The following ERMP1 variants were observed in gnomAD, a reference collection of about 807,000 sequenced individuals.
ERMP1 encodes the protein endoplasmic reticulum metallopeptidase 1.
A neutral mutation model predicts 92.0 loss-of-function variants in ERMP1; 86 were observed. The ratio of observed to expected loss-of-function variants is 0.93; its 90% CI spans 0.79 to 1.12. The LOEUF (loss-of-function observed/expected upper bound fraction) is 1.12, where lower values mean the gene tolerates loss of function less well. Ranked by LOEUF, ERMP1 falls within the 50% of genes most tolerant of loss-of-function variation. The pLI, the probability that ERMP1 is intolerant of heterozygous loss-of-function variation, is 0.00. For synonymous variants in ERMP1, 530 were observed against 412.8 expected (o/e 1.28, Z -3.44); for missense variants, 1,342 against 1,116.3 (o/e 1.20, Z -2.88).
intron 4 of ERMP1, among the ~76,000 whole-genome samples, chr9:5,813,692 T>G (rs10975298): frequency 6.6e-6 from 1 of 151,558 alleles, no homozygotes; most frequent in African/African-American, 2.4e-5. Flanking sequence ...ATTATAATAA[T>G]CATTTTGATA....
intron 12 of ERMP1, among the ~76,000 whole-genome samples, chr9:5,798,138 TC>T (rs1466281853): frequency 6.6e-6 from 1 of 152,210 alleles, no homozygotes; most frequent in Non-Finnish European, 1.5e-5. Flanking sequence ...ACCTAGGTGA[TC>T]TTGATTCCAC....
chr9:5,802,295 A>G (rs185416812), intron 10 of ERMP1, among the ~76,000 whole-genome samples: 1 of 152,284 alleles, frequency 6.6e-6, no homozygotes, highest in East Asian at 1.9e-4. Flanking sequence ...TATACTATAG[A>G]CATGAAATCT....
At position 5,855,863 on chromosome 9, in the gene ERMP1, A is replaced by C. The variant is rs147747389; in HGVS notation, n.3199+3605T>G. ...GCCAGATTTTATCAGTCTCCATCCC[A>C]GAAAAATGGTGGAGCAAGCCTGGGC... On this transcript the variant is annotated intron_variant and non_coding_transcript_variant, in intron 6 of 6. Coordinates refer to the ERMP1 transcript ENST00000690753. The C allele has an allele frequency of 4.6e-4, 88 of 192,974 alleles. 2 individuals are homozygous for C. The East Asian group carries it at 0.013, about 29-fold the overall frequency. The allele number at this position is 192,974 out of a possible 1,614,324, so 12.0% of individuals were successfully genotyped here.
intron 1 of ERMP1, 59 bp downstream of exon 1, chr9:5,832,631 A>C (rs577410194): frequency 3.1e-6 from 4 of 1,282,320 alleles, no homozygotes; most frequent in East Asian, 3.1e-5. Flanking sequence ...GGTGCCCCGG[A>C]GCCTGCGCAG....
At chr9:5,788,869 G>C (rs577123035) in intron 13 of ERMP1, among the ~76,000 whole-genome samples, 17 of 152,154 alleles carry the variant, frequency 1.1e-4, no homozygotes, top group African/African-American at 4.1e-4. Flanking sequence ...AGAAATGGAG[G>C]AAAAAGGCAA....
At chr9:5,843,803 T>C (rs1443659887) in intron 6 of ERMP1, among the ~76,000 whole-genome samples, 1 of 152,160 alleles carries the variant, frequency 6.6e-6, no homozygotes, top group Non-Finnish European at 1.5e-5. Flanking sequence ...ACGGACAGTG[T>C]TGCACACACC....
chr9:5,815,734 GA>G (rs1300484391), intron 4 of ERMP1, among the ~76,000 whole-genome samples: 1 of 151,932 alleles, frequency 6.6e-6, no homozygotes, highest in Non-Finnish European at 1.5e-5. Flanking sequence ...CTTGTACAAA[GA>G]AAGAAATAGT....
At chr9:5,794,309 T>C (rs949962682) in intron 13 of ERMP1, among the ~76,000 whole-genome samples, 6 of 152,224 alleles carry the variant, frequency 3.9e-5, no homozygotes, top group East Asian at 1.9e-4. Context: ...AGGAAACTTA[T>C]AGCAATGAAT....
Position 5,858,328 on chromosome 9 carries a change from G to A in ERMP1, n.3199+1140C>T, listed in dbSNP as rs989427813. On this transcript the variant is annotated intron_variant and non_coding_transcript_variant, in intron 6 of 6. Transcript: ENST00000690753. ...CTGAGAAGTTCCAAAGAGAGGGACA[G>A]GTTAAAGCACTGCATGAGCTCACAG... 2.6e-5 allele frequency among the ~76,000 whole-genome samples: 4 copies of A among 152,200 alleles called. No homozygotes were observed. The East Asian group carries it at 7.7e-4, about 29-fold the overall frequency.
At chr9:5,865,366 A>T (rs776126846) in intron 5 of ERMP1, among the ~76,000 whole-genome samples, 68 of 152,026 alleles carry the variant, frequency 4.5e-4, no homozygotes, top group Non-Finnish European at 8.2e-4. Context: ...AAATTAGCTG[A>T]GCGCGGTGGC....
At position 5,850,781 on chromosome 9, in the gene ERMP1, TGTGAACAGTGGTACCAA is replaced by T. The variant is rs559718298; in HGVS notation, n.3199+8670_3199+8686del. Reference sequence around the variant, plus strand: ...GTCAGAGTTGGAAACCCATGGCCATTGTGAACAGTGGTACCAAATGCTATACCTGAAAGGGCAGCCAC... The same window carrying T: ...GTCAGAGTTGGAAACCCATGGCCATTATGCTATACCTGAAAGGGCAGCCAC... On this transcript the variant is annotated intron_variant and non_coding_transcript_variant, in intron 6 of 6. Coordinates refer to the ERMP1 transcript ENST00000690753. 8.5e-5 allele frequency among the ~76,000 whole-genome samples: 13 copies of T among 152,324 alleles called. No homozygotes were observed. The South Asian group carries it at 2.7e-3, about 32-fold the overall frequency.
chr9:5,851,699 C>G (rs1417137334), intron 6 of ERMP1, among the ~76,000 whole-genome samples: 1 of 152,144 alleles, frequency 6.6e-6, no homozygotes, highest in Non-Finnish European at 1.5e-5. Flanking sequence ...GCTGGAGCTA[C>G]AAAACCAAGG....
At chr9:5,851,966 C>T (rs902546300) in intron 6 of ERMP1, among the ~76,000 whole-genome samples, 2 of 152,090 alleles carry the variant, frequency 1.3e-5, no homozygotes, top group African/African-American at 4.8e-5. Flanking sequence ...TTAATAAAAA[C>T]ACTTAGTTTT....
intron 10 of ERMP1, 36 bp downstream of exon 10, chr9:5,804,991 A>G (rs768151150): frequency 1.3e-5 from 19 of 1,504,506 alleles, no homozygotes; most frequent in Non-Finnish European, 1.7e-5. Context: ...TTCATATAAA[A>G]AATGAAGAAA....
chr9:5,822,201 G>A (rs761230983), intron 4 of ERMP1, among the ~76,000 whole-genome samples: 8 of 151,898 alleles, frequency 5.3e-5, no homozygotes, highest in Non-Finnish European at 7.4e-5. Flanking sequence ...GCAGTGAGCC[G>A]AGATCATACC....
chr9:5,816,698 T>A (rs1829318916), intron 4 of ERMP1, among the ~76,000 whole-genome samples: 1 of 152,126 alleles, frequency 6.6e-6, no homozygotes, highest in South Asian at 2.1e-4. Flanking sequence ...AGCAAAAACC[T>A]GGAAACAACA....
chr9:5,823,177 C>T (rs896450996), intron 4 of ERMP1, among the ~76,000 whole-genome samples: 2 of 151,946 alleles, frequency 1.3e-5, no homozygotes, highest in Admixed American at 1.3e-4. Flanking sequence ...CCCAGCAACT[C>T]AGGAAACTGA....
intron 4 of ERMP1, among the ~76,000 whole-genome samples, chr9:5,816,991 C>T (rs1829335300): frequency 6.6e-6 from 1 of 151,804 alleles, no homozygotes; most frequent in Non-Finnish European, 1.5e-5. Flanking sequence ...CTCTGCCTCC[C>T]GGGTTCACAC....
At chr9:5,850,461 C>T (rs886133220) in intron 6 of ERMP1, among the ~76,000 whole-genome samples, 5 of 146,538 alleles carry the variant, frequency 3.4e-5, no homozygotes, top group Non-Finnish European at 6.0e-5. Flanking sequence ...TAGAAAATTC[C>T]CTGGCCTTCT....
Sources: allele counts gnomAD v4.1 joint callset (sites outside exome capture counted in the v4.1 genomes callset), GRCh38; gene constraint gnomAD v4.1.1; transcripts MANE v1.5; gene names NCBI Gene and HGNC (gene_info 2026-07-23, HGNC 2026-07-21).